Variants in CFAP57 observed in about 807,000 individuals in gnomAD.
CFAP57 encodes cilia and flagella associated protein 57.
In CFAP57, 116 loss-of-function variants were observed where a neutral mutation model predicts 146.8. The ratio of observed to expected loss-of-function variants is 0.79; its 90% CI spans 0.68 to 0.92. The LOEUF is 0.92. CFAP57 is among the 40% of genes least tolerant of loss of function. The pLI is 0.00. For missense variants in CFAP57, 1,377 were observed against 1,527.2 expected (o/e 0.90, Z 1.64); for synonymous variants, 518 against 552.8 (o/e 0.94, Z 0.88).
At chr1:43,172,695 G>A (rs933466157) in intron 1 of CFAP57, 40 bp from the exon 2 acceptor site, 60 of 1,607,756 alleles carry the variant, frequency 3.7e-5, no homozygotes, top group Middle Eastern at 2.2e-4. Context: ...GGAGCGGGGC[G>A]GTGCTCTCCA....
chr1:43,199,559 C>T, intron 9 of CFAP57, 56 bp downstream of exon 9: 2 of 1,480,912 alleles, frequency 1.4e-6, no homozygotes, highest in Non-Finnish European at 1.9e-6. Context: ...AGTATGCCGC[C>T]AGCCAGTGGG....
intron 18 of CFAP57, chr1:43,232,036 A>G (rs575660069): frequency 1.4e-6 from 1 of 698,298 alleles, no homozygotes; most frequent in South Asian, 1.5e-5. Flanking sequence ...TGGTGCCCAC[A>G]TGTTGGTCCC....
intron 11 of CFAP57, among the ~76,000 whole-genome samples, chr1:43,212,739 C>T (rs1193530280): frequency 2.0e-5 from 3 of 152,034 alleles, no homozygotes; most frequent in Non-Finnish European, 4.4e-5. Context: ...TTGAGACCAG[C>T]CTGGCCAACA....
chr1:43,175,906 G>A (rs1401380131), intron 2 of CFAP57, among the ~76,000 whole-genome samples: 4 of 144,444 alleles, frequency 2.8e-5, no homozygotes, highest in Non-Finnish European at 6.0e-5. Context: ...GATGTATCTC[G>A]TAGTTCATTG....
Position 43,238,708 on chromosome 1 carries a change from TG to T in CFAP57, c.3405+4073del. Among the ~76,000 whole-genome samples, 1 of 152,272 alleles carries T rather than the reference TG, an allele frequency of 6.6e-6. No homozygotes were observed. Among genetic ancestry groups the T allele is most frequent in the Middle Eastern group, 3.4e-3 (1 of 294 alleles). ...TGCAGGTAGCCCAACTTATACTTAT[TG>T]GGAGTGTCCTTGGCCATCATACTAT... On this transcript the variant is annotated intron_variant, in intron 21 of 22. Transcript: ENST00000372492. This position sits in a 1 kb window ranked among gnomAD's most constrained non-coding sequence, Gnocchi z 4.3.
intron 6 of CFAP57, among the ~76,000 whole-genome samples, chr1:43,191,091 C>T (rs183345377): frequency 2.4e-4 from 37 of 152,182 alleles, no homozygotes; most frequent in Admixed American, 2.2e-3. Context: ...GTCATCTGGG[C>T]CTGGGCTTTT....
In CFAP57 at chr1:43,224,216, C is replaced by T; in HGVS notation, c.2865+12C>T. The stretch of plus-strand genomic sequence containing the variant: ...CTATTCAAGACAAGGTGCAGCTCTC[C>T]TTCTGTCCTCCCTCAGCTACGGCCA... On this transcript the variant is annotated intron_variant, in intron 17 of 22. Coordinates refer to ENST00000372492, the MANE Select transcript of CFAP57 (RefSeq NM_001378189.1). 1 of 1,519,544 alleles carries T rather than the reference C, an allele frequency of 6.6e-7. No individual in the cohort carries two copies. The highest frequency in any genetic ancestry group is 8.8e-7 in the Non-Finnish European group (1 of 1,130,456). 94.1% of individuals were successfully genotyped at this position (1,519,544 alleles called of 1,614,324 possible). A position where few individuals can be genotyped will look rare whatever the true frequency, so the allele number is the denominator to read the frequency against.
intron 12 of CFAP57, among the ~76,000 whole-genome samples, chr1:43,218,773 A>AT (rs1326576643): frequency 6.6e-6 from 1 of 152,148 alleles, no homozygotes; most frequent in African/African-American, 2.4e-5. Flanking sequence ...ACTTACCACA[A>AT]TTTGTAATAA....
rs760887917 is a variant in CFAP57 at position 43,206,869 on chromosome 1, CG to C, written c.1693del (p.Asp565MetfsTer21). The C allele has an allele frequency of 1.1e-5, 18 of 1,614,024 alleles. No homozygotes were observed. The highest frequency in any genetic ancestry group is 1.4e-5 in the Non-Finnish European group (17 of 1,180,038). On this transcript the variant is annotated frameshift_variant, in exon 10 of 23. Transcript: ENST00000372492. LOFTEE classifies it high-confidence loss of function. ...GCTACAACTGTGTTACTGTCTCCCC[CG>C]ATGCCAAAATTATCTTTGCTGTTGG... ...CSYNCVTVSP[D>X]AKIIFAVGSD...
intron 9 of CFAP57, among the ~76,000 whole-genome samples, chr1:43,202,314 A>G (rs556955191): frequency 6.6e-6 from 1 of 152,372 alleles, no homozygotes; most frequent in Admixed American, 6.5e-5. Context: ...GCAGAAGTTA[A>G]TAAAATAGAA....
intron 2 of CFAP57, among the ~76,000 whole-genome samples, chr1:43,178,898 A>G (rs1645273425): frequency 1.3e-5 from 2 of 152,340 alleles, no homozygotes; most frequent in Admixed American, 6.5e-5. Context: ...ATGTCCATCA[A>G]CGATAGACTG....
At position 43,238,764 on chromosome 1, in the gene CFAP57, T is replaced by C. The variant is rs1645796393; in HGVS notation, c.3405+4126T>C. Among the ~76,000 whole-genome samples the C allele has an allele frequency of 1.3e-5, 2 of 151,852 alleles. No homozygotes were observed. The highest frequency in any genetic ancestry group is 1.3e-4 in the Admixed American group (2 of 15,240). On this transcript the variant is annotated intron_variant, in intron 21 of 22. Transcript: ENST00000372492. This position sits in a 1 kb window ranked among gnomAD's most constrained non-coding sequence, Gnocchi z 4.3. ...GATATTGGAATGGAGGTGACATAAA[T>C]GTGAGGGGGGACAGCAGAGCCTGGA...
chr1:43,181,976 G>T (rs952518921), intron 3 of CFAP57, 126 bp downstream of exon 3: 1 of 1,078,862 alleles, frequency 9.3e-7, no homozygotes. Context: ...TACAACAACC[G>T]TATAAGGTAT....
chr1:43,213,849 GTCT>G (rs1050050423), intron 11 of CFAP57, among the ~76,000 whole-genome samples: 1 of 148,032 alleles, frequency 6.8e-6, no homozygotes, highest in Non-Finnish European at 1.5e-5. Context: ...CCATTTGTAT[GTCT>G]TCTTTTGAGA....
chr1:43,177,982 A>G (rs369818972), intron 2 of CFAP57, among the ~76,000 whole-genome samples: 1 of 152,332 alleles, frequency 6.6e-6, no homozygotes, highest in East Asian at 1.9e-4. Context: ...AAGAATCAGC[A>G]AAAGAGGCTT....
chr1:43,188,123 T>A (rs528368480), intron 6 of CFAP57, among the ~76,000 whole-genome samples: 1 of 152,294 alleles, frequency 6.6e-6, no homozygotes, highest in South Asian at 2.1e-4. Flanking sequence ...TCAATGTTCA[T>A]CCATGTTGTA....
intron 21 of CFAP57, among the ~76,000 whole-genome samples, chr1:43,236,001 G>A (rs1263626358): frequency 1.3e-5 from 2 of 152,164 alleles, no homozygotes; most frequent in Admixed American, 6.5e-5. Context: ...CTGCTGGGGC[G>A]GGCATCCTGT....
Position 43,172,817 on chromosome 1 carries a change from A to G in CFAP57, c.64A>G (p.Ile22Val), listed in dbSNP as rs746992347. The change falls in exon 2 of 23, where the codon ATC becomes GTC. Residue 22 changes from isoleucine to valine, a missense_variant. By Grantham distance (29) the Ile-to-Val change is conservative. Transcript: ENST00000372492. ...FGLRSHVANN[I>V]FYFDEQIIIF... ...TCTTCGATCCCACGTGGCCAACAAT[A>G]TCTTCTACTTCGATGAACAGATCAT... 7.4e-6 allele frequency: 12 copies of G among 1,614,044 alleles called. No individual in the cohort carries two copies. The highest frequency in any genetic ancestry group is 1.0e-5 in the Non-Finnish European group (12 of 1,180,022).
intron 11 of CFAP57, chr1:43,210,174 A>AGGG: frequency 6.4e-7 from 1 of 1,553,092 alleles, no homozygotes; most frequent in Non-Finnish European, 8.7e-7. Flanking sequence ...ATGCATAATA[A>AGGG]GGGGCCGTTT....
Sources: allele counts gnomAD v4.1 joint callset (sites outside exome capture counted in the v4.1 genomes callset), GRCh38; gene constraint gnomAD v4.1.1; non-coding constraint Gnocchi (gnomAD v3.1); transcripts MANE v1.5; gene names NCBI Gene and HGNC (gene_info 2026-07-23, HGNC 2026-07-21).